Variants in ANTXR1 observed in about 807,000 individuals in gnomAD.
ANTXR1 encodes the protein ANTXR cell adhesion molecule 1.
Under a neutral mutation model 78.1 loss-of-function variants are expected in ANTXR1, and 19 were observed. That is an observed-to-expected ratio of 0.24 (90% CI 0.17 to 0.36). ANTXR1 has a LOEUF of 0.36. ANTXR1 is among the 10% of genes least tolerant of loss of function. ANTXR1 has a pLI of 1.00. For synonymous variants in ANTXR1, 273 were observed against 260.5 expected (o/e 1.05, Z -0.46); for missense variants, 518 against 718.6 (o/e 0.72, Z 3.19).
Position 69,245,749 on chromosome 2 carries a change from A to C in ANTXR1, c.*264A>C. 1 of 452,258 alleles carries C rather than the reference A, an allele frequency of 2.2e-6. No homozygotes were observed. The allele number at this position is 452,258 out of a possible 1,614,324, so 28.0% of individuals were successfully genotyped here. A position where few individuals can be genotyped will look rare whatever the true frequency, so the allele number is the denominator to read the frequency against. ...TCTAGAAGGTTCCAGAGACAGTGAA[A>C]CTGCAAGATGCTCTCAACAGGATTA... On this transcript the variant is annotated 3_prime_UTR_variant, in exon 18 of 18. Transcript: ENST00000303714.
intron 12 of ANTXR1, among the ~76,000 whole-genome samples, chr2:69,148,878 C>G (rs1558600408): frequency 6.6e-6 from 1 of 152,222 alleles, no homozygotes; most frequent in Admixed American, 6.5e-5. Flanking sequence ...CAGCAGAACA[C>G]AAGCATCTTG....
chr2:69,111,482 A>T (rs1220526707), intron 10 of ANTXR1, among the ~76,000 whole-genome samples: 1 of 152,212 alleles, frequency 6.6e-6, no homozygotes, highest in African/African-American at 2.4e-5. Flanking sequence ...AACAAAAGAA[A>T]CTGATTTTTA....
chr2:69,145,400 C>A, intron 12 of ANTXR1: 3 of 1,583,542 alleles, frequency 1.9e-6, no homozygotes, highest in Non-Finnish European at 2.6e-6. Flanking sequence ...CTGCTCCCTC[C>A]GGACAGCACA....
intron 12 of ANTXR1, among the ~76,000 whole-genome samples, chr2:69,133,470 C>T (rs761749685): frequency 7.9e-5 from 12 of 152,188 alleles, no homozygotes; most frequent in Non-Finnish European, 1.3e-4. Flanking sequence ...ATTGGAGACT[C>T]ACCTTGAAGA....
chr2:69,216,674 G>C (rs139421988), intron 17 of ANTXR1, among the ~76,000 whole-genome samples: 92 of 152,172 alleles, frequency 6.0e-4, no homozygotes, highest in African/African-American at 2.1e-3. Flanking sequence ...AGACCCTACT[G>C]CTCCCTCCCC....
At chr2:69,021,351 A>T (rs1671183527) in intron 1 of ANTXR1, among the ~76,000 whole-genome samples, 1 of 152,246 alleles carries the variant, frequency 6.6e-6, no homozygotes, top group South Asian at 2.1e-4. Flanking sequence ...CATTGAATCA[A>T]TCAAGGTAGG....
At chr2:69,182,835 C>T (rs1674311786) in intron 16 of ANTXR1, 175 bp downstream of exon 16, 2 of 834,552 alleles carry the variant, frequency 2.4e-6, no homozygotes, top group Non-Finnish European at 3.8e-6. Flanking sequence ...TCAATTTCCA[C>T]ATAATCTGGG....
At chr2:69,078,747 A>G (rs1291546522) in intron 8 of ANTXR1, among the ~76,000 whole-genome samples, 1 of 152,182 alleles carries the variant, frequency 6.6e-6, no homozygotes, top group African/African-American at 2.4e-5. Context: ...CAGACATACA[A>G]TAGGCACTCA....
intron 17 of ANTXR1, among the ~76,000 whole-genome samples, chr2:69,198,075 A>G (rs2104481851): frequency 6.6e-6 from 1 of 152,342 alleles, no homozygotes; most frequent in South Asian, 2.1e-4. Flanking sequence ...AGCTGCAGTC[A>G]GTATCCTTAT....
At position 69,197,180 on chromosome 2, in the gene ANTXR1, A is replaced by C. The variant is rs188872739; in HGVS notation, c.1434+3765A>C. Reference sequence around the variant, plus strand: ...AATGCTTGGGCCAACTTAAAAGGGAAAGTGCCAAAGGAAACCACCTAAATA... The same window carrying C: ...AATGCTTGGGCCAACTTAAAAGGGACAGTGCCAAAGGAAACCACCTAAATA... On this transcript the variant is annotated intron_variant, in intron 17 of 17. Transcript: ENST00000303714. 1.6e-3 allele frequency among the ~76,000 whole-genome samples: 250 copies of C among 152,342 alleles called. 3 individuals carry two copies. Among genetic ancestry groups the C allele is most frequent in the Non-Finnish European group, 4.0e-4 (27 of 68,034 alleles).
chr2:69,208,013 T>C (rs1381399632), intron 17 of ANTXR1, among the ~76,000 whole-genome samples: 2 of 152,256 alleles, frequency 1.3e-5, no homozygotes, highest in East Asian at 3.9e-4. Flanking sequence ...CACAACAGTG[T>C]AGAAAACCAA....
At chr2:69,028,270 TA>T (rs1443508930) in intron 1 of ANTXR1, among the ~76,000 whole-genome samples, 2 of 152,186 alleles carry the variant, frequency 1.3e-5, no homozygotes, top group Non-Finnish European at 2.9e-5. Context: ...AATTATTCAT[TA>T]AAAAACACTA....
At chr2:69,061,659 G>A (rs1670249182) in intron 3 of ANTXR1, among the ~76,000 whole-genome samples, 1 of 152,186 alleles carries the variant, frequency 6.6e-6, no homozygotes, top group African/African-American at 2.4e-5. Context: ...AAGACAAGGA[G>A]TGAGGAGACA....
intron 9 of ANTXR1, among the ~76,000 whole-genome samples, chr2:69,092,131 G>A (rs1671261758): frequency 6.6e-6 from 1 of 152,178 alleles, no homozygotes; most frequent in Non-Finnish European, 1.5e-5. Context: ...AAAATACAGT[G>A]CCAGTTATTA....
intron 17 of ANTXR1, among the ~76,000 whole-genome samples, chr2:69,236,869 C>A (rs1037828999): frequency 6.6e-6 from 1 of 152,152 alleles, no homozygotes; most frequent in African/African-American, 2.4e-5. Context: ...ACAGGATGAT[C>A]CCATTTTTGT....
chr2:69,247,255 A>T lies in ANTXR1; in HGVS notation c.*1770A>T, dbSNP rs144911905. 1 of 153,124 alleles carries T rather than the reference A, an allele frequency of 6.5e-6. No homozygotes were observed. The highest frequency in any genetic ancestry group is 1.5e-5 in the Non-Finnish European group (1 of 68,096). The allele number at this position is 153,124 out of a possible 1,614,324, so 9.5% of individuals were successfully genotyped here. On this transcript the variant is annotated 3_prime_UTR_variant, in exon 18 of 18. Transcript: ENST00000303714. Reference sequence around the variant, plus strand: ...CCTACTTGCTATCTCTATCTTAGAAAGCAAAAACAAACAGGAGTTTCCAGG... The same window carrying T: ...CCTACTTGCTATCTCTATCTTAGAATGCAAAAACAAACAGGAGTTTCCAGG...
Position 69,013,554 on chromosome 2 carries a change from G to A in ANTXR1, c.55G>A (p.Ala19Thr), listed in dbSNP as rs759396484. 2.5e-6 allele frequency: 4 copies of A among 1,579,922 alleles called. No individual in the cohort carries two copies. Among genetic ancestry groups the A allele is most frequent in the Non-Finnish European group, 2.6e-6 (3 of 1,163,868 alleles). The stretch of plus-strand genomic sequence containing the variant: ...CATCGGCTTCCAGTGGCTCTCTTTG[G>A]CCACTCTGGTGCTCATCTGCGCCGG... ...LGIGFQWLSL[A>T]TLVLICAGQG... Residue 19 changes from alanine (A) to threonine (T), a missense_variant, in exon 1 of 18, where the codon GCC becomes ACC. This residue lies in a region of ANTXR1 where 55 missense variants were observed against 52.5 expected (regional missense o/e 1.05). Transcript: ENST00000303714. The surrounding 1 kb of genome is among the most constrained non-coding windows in gnomAD (Gnocchi z 5.0).
chr2:69,036,477 T>C (rs1669428494), intron 1 of ANTXR1, among the ~76,000 whole-genome samples: 1 of 152,212 alleles, frequency 6.6e-6, no homozygotes, highest in Non-Finnish European at 1.5e-5. Flanking sequence ...TTACTCATTC[T>C]TTCTAATTTT....
chr2:69,117,981 A>G (rs1672206903), intron 10 of ANTXR1, among the ~76,000 whole-genome samples: 1 of 152,206 alleles, frequency 6.6e-6, no homozygotes, highest in African/African-American at 2.4e-5. Context: ...AAATCCTGAT[A>G]AATCCCCAAA....
Sources: allele counts gnomAD v4.1 joint callset (sites outside exome capture counted in the v4.1 genomes callset), GRCh38; gene constraint gnomAD v4.1.1; regional missense constraint gnomAD v4.1.1; non-coding constraint Gnocchi (gnomAD v3.1); transcripts MANE v1.5; gene names NCBI Gene and HGNC (gene_info 2026-07-23, HGNC 2026-07-21).